PRH1: variants seen among roughly 807,000 people sequenced by gnomAD.
The protein encoded by PRH1 is proline rich protein HaeIII subfamily 1, also known as salivary acidic proline-rich phosphoprotein 1/2.
Under a neutral mutation model 7.9 loss-of-function variants are expected in PRH1, and 7 were observed. The observed-to-expected ratio is 0.89, with a 90% CI of 0.50 to 1.67. The LOEUF (loss-of-function observed/expected upper bound fraction) is 1.67, where lower values mean the gene tolerates loss of function less well. Ranked by LOEUF, PRH1 falls within the 40% of genes most tolerant of loss-of-function variation. The probability of loss-of-function intolerance (pLI) is 0.00; values close to 1 mark genes in which losing one functional copy is unlikely to be tolerated. For synonymous variants in PRH1, 45 were observed against 80.8 expected, an observed-to-expected ratio of 0.56 and a Z score of 2.38; for missense variants, 109 against 223.6, an observed-to-expected ratio of 0.49 and a Z score of 3.27.
At chr12:11,127,967 G>A (rs552716633) in intron 1 of PRH1, among the ~76,000 whole-genome samples, 7 of 152,044 alleles carry the variant, frequency 4.6e-5, no homozygotes, top group African/African-American at 7.2e-5. Flanking sequence ...AAAGTTAGCC[G>A]GGCATGGTGG....
At chr12:11,147,254 G>A (rs1946891237) in intron 1 of PRH1, among the ~76,000 whole-genome samples, 1 of 152,066 alleles carries the variant, frequency 6.6e-6, no homozygotes, top group South Asian at 2.1e-4. Flanking sequence ...GCAGTGGCAC[G>A]ATCTCGGCTC....
intron 1 of PRH1, among the ~76,000 whole-genome samples, chr12:10,987,354 C>G (rs1939701553): frequency 6.6e-6 from 1 of 152,040 alleles, no homozygotes; most frequent in South Asian, 2.1e-4. Context: ...ACTAGGATCA[C>G]CACCATAACG....
intron 1 of PRH1, among the ~76,000 whole-genome samples, chr12:11,092,607 G>A (rs1426937592): frequency 4.3e-5 from 5 of 115,106 alleles, no homozygotes; most frequent in African/African-American, 1.5e-4. Context: ...AGAGCGATTG[G>A]TGCATTTTAC....
At chr12:11,110,246 C>T (rs1373653488) in intron 1 of PRH1, among the ~76,000 whole-genome samples, 1 of 152,186 alleles carries the variant, frequency 6.6e-6, no homozygotes, top group Non-Finnish European at 1.5e-5. Flanking sequence ...AAACACTCTT[C>T]AGGATATTAT....
chr12:11,048,930 C>A, upstream of PRH1: 1 of 279,822 alleles, frequency 3.6e-6, no homozygotes, highest in South Asian at 6.8e-5. Flanking sequence ...AATTGGCAGT[C>A]TTGAGCAAAT....
intron 1 of PRH1, among the ~76,000 whole-genome samples, chr12:11,002,213 T>C (rs76420284): frequency 0.039 from 5,981 of 152,188 alleles, 185 homozygotes; most frequent in South Asian, 0.12. Flanking sequence ...TTTAATGAGA[T>C]AGATATAGAT....
chr12:11,058,091 C>T (rs1943439402), intron 1 of PRH1, among the ~76,000 whole-genome samples: 1 of 152,116 alleles, frequency 6.6e-6, no homozygotes, highest in Admixed American at 6.5e-5. Context: ...CCAAAATTAG[C>T]CAGGCAAGGT....
chr12:10,940,714 C>T (rs1434376241), intron 2 of PRH1, among the ~76,000 whole-genome samples: 1 of 152,166 alleles, frequency 6.6e-6, no homozygotes, highest in Non-Finnish European at 1.5e-5. Flanking sequence ...TACAGTCATT[C>T]TTCTTCAATA....
At chr12:10,948,883 G>T (rs551289899) in intron 2 of PRH1, among the ~76,000 whole-genome samples, 1 of 152,138 alleles carries the variant, frequency 6.6e-6, no homozygotes, top group African/African-American at 2.4e-5. Flanking sequence ...TTATGTTAGT[G>T]AGGCATTTTT....
In PRH1 at chr12:10,938,143, A is replaced by C. The variant is rs998428580; in HGVS notation, c.-59+35512T>G. 5 of 716,736 alleles carry C rather than the reference A, an allele frequency of 7.0e-6. No individual in the cohort carries two copies. The African/African-American group carries it at 7.2e-5, about 10-fold the overall frequency. 44.4% of individuals were successfully genotyped at this position (716,736 alleles called of 1,614,324 possible). On this transcript the variant is annotated intron_variant, in intron 2 of 3. Transcript: ENST00000539853. ...ATATGTTTGGATGGTGTTGATTCCA[A>C]GCATATCTTTGTAAAATTCACAAAG...
At chr12:10,982,393 T>A (rs939261497) in intron 1 of PRH1, among the ~76,000 whole-genome samples, 1 of 152,240 alleles carries the variant, frequency 6.6e-6, no homozygotes, top group African/African-American at 2.4e-5. Context: ...CACATTAGCA[T>A]AAACTTAAGT....
At chr12:10,929,418 G>C in intron 2 of PRH1, 76 of 1,531,336 alleles carry the variant, frequency 5.0e-5, no homozygotes, top group Non-Finnish European at 6.0e-5. Context: ...GTGGAGGGAA[G>C]AGAGGAGGAT....
chr12:10,968,719 G>A (rs1486435594), intron 2 of PRH1, among the ~76,000 whole-genome samples: 1 of 152,192 alleles, frequency 6.6e-6, no homozygotes, highest in Non-Finnish European at 1.5e-5. Flanking sequence ...GACCCACTGC[G>A]CCCAGCCCTC....
intron 1 of PRH1, among the ~76,000 whole-genome samples, chr12:11,070,630 G>GC (rs1944023668): frequency 6.6e-6 from 1 of 152,070 alleles, no homozygotes; most frequent in South Asian, 2.1e-4. Flanking sequence ...TCTTACTTAT[G>GC]CCCCTCAGTT....
upstream of PRH1, among the ~76,000 whole-genome samples, chr12:10,887,567 G>A (rs1949510862): frequency 1.3e-5 from 2 of 148,548 alleles, no homozygotes; most frequent in African/African-American, 2.5e-5. Context: ...TGTCACCCAG[G>A]TTGGGGTGCA....
intron 1 of PRH1, among the ~76,000 whole-genome samples, chr12:11,042,636 T>TTTTTTTTTTTTTTTTTTTTTTTTC: frequency 7.3e-6 from 1 of 137,562 alleles, no homozygotes; most frequent in African/African-American, 2.7e-5. Context: ...TTTTTTTTTT[T>TTTTTTTTTTTTTTTTTTTTTTTTC]TTTTTTTTTT....
chr12:11,091,809 C>A (rs780440350), intron 1 of PRH1: 1 of 1,507,174 alleles, frequency 6.6e-7, no homozygotes, highest in African/African-American at 1.4e-5. Flanking sequence ...AGATGACAAG[C>A]CAAAAATAGC....
chr12:11,001,123 A>G (rs1304154585), intron 1 of PRH1, among the ~76,000 whole-genome samples: 1 of 152,034 alleles, frequency 6.6e-6, no homozygotes, highest in Non-Finnish European at 1.5e-5. Context: ...GCAAGTTGGA[A>G]GAACCTGGAA....
intron 1 of PRH1, among the ~76,000 whole-genome samples, chr12:11,070,702 C>G (rs1390414832): frequency 2.0e-5 from 3 of 152,210 alleles, no homozygotes; most frequent in African/African-American, 7.2e-5. Context: ...AAATTGCCAC[C>G]AGTAAACCAG....
Sources: allele counts gnomAD v4.1 joint callset (sites outside exome capture counted in the v4.1 genomes callset), GRCh38; gene constraint gnomAD v4.1.1; transcripts MANE v1.5; gene names NCBI Gene and HGNC (gene_info 2026-07-23, HGNC 2026-07-21).